MYO5B: variants seen among roughly 807,000 people sequenced by gnomAD.
The protein encoded by MYO5B is unconventional myosin-Vb.
A neutral mutation model predicts 229.3 loss-of-function variants in MYO5B; 143 were observed. That is an observed-to-expected ratio of 0.62 (90% CI 0.54 to 0.72). The LOEUF (loss-of-function observed/expected upper bound fraction) is 0.72. Ranked by LOEUF, MYO5B falls within the 30% of genes least tolerant of loss-of-function variation. The pLI is 0.00. For synonymous variants in MYO5B, 918 were observed against 885.2 expected, an observed-to-expected ratio of 1.04 and a Z score of -0.66; for missense variants, 2,321 against 2,331.0, an observed-to-expected ratio of 1.00 and a Z score of 0.09.
intron 22 of MYO5B, among the ~76,000 whole-genome samples, chr18:49,890,261 T>C (rs1367953863): frequency 2.6e-5 from 4 of 152,186 alleles, no homozygotes; most frequent in Admixed American, 1.3e-4. Context: ...GGCTGCAGGG[T>C]GCAGTGGGAG....
chr18:50,180,831 T>A (rs1432967490), intron 1 of MYO5B, among the ~76,000 whole-genome samples: 1 of 152,244 alleles, frequency 6.6e-6, no homozygotes, highest in Non-Finnish European at 1.5e-5. Flanking sequence ...ATCCTTGCTG[T>A]AGCAGATGTC....
At chr18:49,889,944 A>T (rs2024689919) in intron 22 of MYO5B, among the ~76,000 whole-genome samples, 1 of 152,180 alleles carries the variant, frequency 6.6e-6, no homozygotes, top group African/African-American at 2.4e-5. Flanking sequence ...TGATTCATGA[A>T]TGCAGGTCTC....
At chr18:50,089,142 G>T (rs1436794934) in intron 1 of MYO5B, among the ~76,000 whole-genome samples, 3 of 152,146 alleles carry the variant, frequency 2.0e-5, no homozygotes, top group Non-Finnish European at 4.4e-5. Context: ...CACTTTGGGA[G>T]ACCAAGGTGG....
chr18:49,996,789 T>TG (rs1174717222), intron 5 of MYO5B, among the ~76,000 whole-genome samples: 1 of 152,026 alleles, frequency 6.6e-6, no homozygotes, highest in Non-Finnish European at 1.5e-5. Context: ...ATTCTGACAG[T>TG]GGGAAAGAAG....
At chr18:49,863,451 C>A in intron 28 of MYO5B, 124 bp from the exon 29 acceptor site, 1 of 823,262 alleles carries the variant, frequency 1.2e-6, no homozygotes, top group Non-Finnish European at 2.0e-6. Flanking sequence ...ACAGAGATAA[C>A]CACAATCAAA....
intron 4 of MYO5B, among the ~76,000 whole-genome samples, chr18:50,014,636 T>G (rs141184663): frequency 2.1e-3 from 323 of 152,308 alleles, no homozygotes; most frequent in African/African-American, 7.4e-3. Context: ...GCTTTTTAAG[T>G]GTCCCCACTG....
In MYO5B at chr18:49,879,149, C is replaced by T. The variant is rs993088622; in HGVS notation, c.3131-59G>A. ...GGATGGATTCCCTCACATGTATTGA[C>T]TCATGTTTTCCGATTAATCTCTTGT... On this transcript the variant is annotated intron_variant, in intron 23 of 39. Transcript: ENST00000285039. 10 of 1,608,378 alleles carry T rather than the reference C, an allele frequency of 6.2e-6. No homozygotes were observed. In the African/African-American group the frequency reaches 9.4e-5, roughly 15 times the overall value.
chr18:50,104,288 A>C (rs868289583), intron 1 of MYO5B, among the ~76,000 whole-genome samples: 1 of 144,752 alleles, frequency 6.9e-6, no homozygotes, highest in African/African-American at 2.6e-5. Context: ...ATATATATAT[A>C]TATCTCATAA....
rs1031350313 is a variant in MYO5B, at chr18:49,895,017, G to C, written c.2969C>G (p.Thr990Arg). Residue 990 changes from threonine to arginine, a missense_variant, in exon 22 of 40, where the codon ACA (threonine) becomes AGA (arginine). Thr to Arg is a moderately conservative substitution (Grantham distance 71, BLOSUM62 -1). This residue lies in a region of MYO5B where 2,113 missense variants were observed against 2,044.7 expected (regional missense o/e 1.03). Transcript: ENST00000285039. The stretch of plus-strand genomic sequence containing the variant: ...CTCCGAGTGGGCCCTCTGCAGCTCT[G>C]TGCGCAGGCTCTCCACCTCCTCCTG... ...RLQEEVESLRTELQRAHSERK... is the reference protein window; with the variant it reads ...RLQEEVESLRRELQRAHSERK... The C allele has an allele frequency of 1.2e-6, 2 of 1,613,910 alleles. No homozygotes were observed. The highest frequency in any genetic ancestry group is 1.7e-6 in the Non-Finnish European group (2 of 1,180,032).
chr18:49,848,983 C>G lies in MYO5B; in HGVS notation c.4315+584G>C, dbSNP rs182994818. Among the ~76,000 whole-genome samples the G allele has an allele frequency of 6.1e-4, 92 of 151,942 alleles. 1 individual carries two copies. Among genetic ancestry groups the G allele is most frequent in the Non-Finnish European group, 1.8e-4 (12 of 67,974 alleles). On this transcript the variant is annotated intron_variant, in intron 32 of 39. Coordinates refer to ENST00000285039, the MANE Select transcript of MYO5B (RefSeq NM_001080467.3). ...AAGCCCTGAGCATGTGGCTCCTGAGCTGAGGGTGGAAGGATGTGGAGGGGT... is the reference window on the plus strand; with the variant it reads ...AAGCCCTGAGCATGTGGCTCCTGAGGTGAGGGTGGAAGGATGTGGAGGGGT...
At chr18:49,842,403 C>G (rs952131493) in intron 34 of MYO5B, among the ~76,000 whole-genome samples, 20 of 152,250 alleles carry the variant, frequency 1.3e-4, no homozygotes, top group African/African-American at 4.8e-4. Context: ...CTCTGGAATT[C>G]TGAGCAGCAA....
At chr18:49,846,730 T>C (rs2024132287) in intron 33 of MYO5B, among the ~76,000 whole-genome samples, 1 of 150,866 alleles carries the variant, frequency 6.6e-6, no homozygotes, top group South Asian at 2.1e-4. Flanking sequence ...TAAAGGGAGG[T>C]TGTGAGGATT....
At chr18:49,836,538 G>A (rs976200420) in intron 38 of MYO5B, among the ~76,000 whole-genome samples, 173 bp downstream of exon 38, 2 of 152,116 alleles carry the variant, frequency 1.3e-5, no homozygotes, top group African/African-American at 4.8e-5. Context: ...AGACCAAATG[G>A]TTTTTGGTTC....
intron 1 of MYO5B, among the ~76,000 whole-genome samples, chr18:50,085,997 G>A (rs574155501): frequency 4.7e-3 from 720 of 151,928 alleles, no homozygotes; most frequent in Non-Finnish European, 8.3e-3. Flanking sequence ...GCACACCAAC[G>A]TGGCACATGT....
At chr18:50,147,363 C>A (rs901661874) in intron 1 of MYO5B, among the ~76,000 whole-genome samples, 1 of 152,216 alleles carries the variant, frequency 6.6e-6, no homozygotes, top group Non-Finnish European at 1.5e-5. Flanking sequence ...ATCCCTGCCA[C>A]TGCCCTGTCC....
At chr18:49,901,352 A>G (rs955951970) in intron 21 of MYO5B, among the ~76,000 whole-genome samples, 1 of 152,228 alleles carries the variant, frequency 6.6e-6, no homozygotes, top group Non-Finnish European at 1.5e-5. Flanking sequence ...CTATTCCATT[A>G]GACAAAGCTG....
chr18:49,942,334 C>A (rs1468313764), intron 14 of MYO5B, among the ~76,000 whole-genome samples: 4 of 134,550 alleles, frequency 3.0e-5, no homozygotes, highest in African/African-American at 1.1e-4. Context: ...AAAATGGGAT[C>A]TAATTGACAA....
chr18:49,947,552 TA>T (rs2025388335), intron 14 of MYO5B, among the ~76,000 whole-genome samples: 1 of 152,224 alleles, frequency 6.6e-6, no homozygotes, highest in Admixed American at 6.5e-5. Context: ...TAGTGTATAG[TA>T]ATCAGATCAG....
At chr18:49,887,315 T>C (rs1333915158) in intron 22 of MYO5B, among the ~76,000 whole-genome samples, 1 of 152,134 alleles carries the variant, frequency 6.6e-6, no homozygotes, top group East Asian at 1.9e-4. Flanking sequence ...ATTGACTGTG[T>C]GTAGGATGCT....
Sources: allele counts gnomAD v4.1 joint callset (sites outside exome capture counted in the v4.1 genomes callset), GRCh38; gene constraint gnomAD v4.1.1; regional missense constraint gnomAD v4.1.1; transcripts MANE v1.5; gene names NCBI Gene and HGNC (gene_info 2026-07-23, HGNC 2026-07-21).